SLC28A1: variants seen among roughly 807,000 people sequenced by gnomAD.
SLC28A1 encodes the protein solute carrier family 28 member 1, also known as sodium/nucleoside cotransporter 1.
In SLC28A1, 64 loss-of-function variants were observed where a neutral mutation model predicts 74.8. The observed-to-expected ratio is 0.86, with a 90% CI of 0.70 to 1.05. The LOEUF is 1.05. Ranked by LOEUF, SLC28A1 falls within the 50% of genes least tolerant of loss-of-function variation. SLC28A1 has a pLI of 0.00. For missense variants in SLC28A1, 828 were observed against 822.8 expected, an observed-to-expected ratio of 1.01 and a Z score of -0.08; for synonymous variants, 359 against 335.0, an observed-to-expected ratio of 1.07 and a Z score of -0.78.
chr15:84,908,591 C>CT (rs1203780555), intron 8 of SLC28A1, 127 bp from the exon 9 acceptor site: 7 of 763,852 alleles, frequency 9.2e-6, no homozygotes, highest in African/African-American at 1.7e-5. Context: ...GGTGGTGCCC[C>CT]CCCCCGGATA....
chr15:84,974,592 GC>G, the SLC28A1 span, among the ~76,000 whole-genome samples: 3 of 152,204 alleles, frequency 2.0e-5, no homozygotes, highest in Non-Finnish European at 4.4e-5. Context: ...AGGGGGAGAA[GC>G]ATGTCTTGTG....
At chr15:84,954,614 A>G in the SLC28A1 span, among the ~76,000 whole-genome samples, 1 of 152,188 alleles carries the variant, frequency 6.6e-6, no homozygotes, top group Non-Finnish European at 1.5e-5. Flanking sequence ...TGGTTTGCTC[A>G]AGGGCACACA....
chr15:84,895,698 C>A (rs936260096), intron 6 of SLC28A1: 28 of 1,386,248 alleles, frequency 2.0e-5, no homozygotes, highest in Non-Finnish European at 2.1e-5. Flanking sequence ...TTTCACCAGG[C>A]AGCTCTAAAT....
intron 9 of SLC28A1, among the ~76,000 whole-genome samples, chr15:84,911,634 G>T (rs955003151): frequency 6.6e-6 from 1 of 152,076 alleles, no homozygotes; most frequent in Non-Finnish European, 1.5e-5. Context: ...GGCTGAAGTG[G>T]TTCGATCGCT....
chr15:84,921,089 AC>A lies in SLC28A1; in HGVS notation c.957+23del. 1.3e-6 allele frequency: 2 copies of A among 1,584,106 alleles called. No individual in the cohort carries two copies. The highest frequency in any genetic ancestry group is 1.7e-6 in the Non-Finnish European group (2 of 1,152,878). ...AGCCAGGTGGGTATGGAAGCCTCCT[AC>A]CCTCATGCTCATCAGCAGCTTCCCC... On this transcript the variant is annotated intron_variant, in intron 11 of 18. Transcript: ENST00000394573.
At chr15:84,901,414 G>A (rs1002320142) in intron 6 of SLC28A1, among the ~76,000 whole-genome samples, 1 of 152,154 alleles carries the variant, frequency 6.6e-6, no homozygotes. Context: ...GACTGAGGCA[G>A]GAGAATTGCT....
At chr15:84,895,325 C>T (rs2141688679) in intron 6 of SLC28A1, 11 of 1,611,092 alleles carry the variant, frequency 6.8e-6, no homozygotes, top group Non-Finnish European at 9.3e-6. Context: ...GTCCCAGTTA[C>T]AGCAGGTGAC....
In SLC28A1 at chr15:84,905,547, G is replaced by C. The variant is rs781041305; in HGVS notation, c.612G>C (p.Trp204Cys). The change falls in exon 8 of 19, where the codon TGG becomes TGC. Residue 204 changes from tryptophan (W) to cysteine (C), a missense_variant. Coordinates refer to ENST00000394573, the MANE Select transcript of SLC28A1 (RefSeq NM_004213.5). Reference protein sequence around the residue: ...ACSKHHCAVSWRAVSWGLGLQ... With the variant: ...ACSKHHCAVSCRAVSWGLGLQ... The stretch of plus-strand genomic sequence containing the variant: ...GTTGGGTGGGGTGGTAGGTGTCCTG[G>C]AGGGCCGTGTCTTGGGGACTTGGAC... The C allele has an allele frequency of 3.0e-5, 48 of 1,612,046 alleles. No individual in the cohort carries two copies. The highest frequency in any genetic ancestry group is 4.0e-5 in the African/African-American group (3 of 74,864).
chr15:84,885,139 A>G (rs1427367026), intron 1 of SLC28A1, among the ~76,000 whole-genome samples: 1 of 151,792 alleles, frequency 6.6e-6, no homozygotes. Flanking sequence ...TTGTATTTTT[A>G]GTAGAGACGG....
Position 84,945,207 on chromosome 15 carries a change from A to T in SLC28A1, c.*7A>T. The T allele has an allele frequency of 6.2e-7, 1 of 1,613,636 alleles. No homozygotes were observed. On this transcript the variant is annotated 3_prime_UTR_variant, in exon 19 of 19. Coordinates refer to ENST00000394573, the MANE Select transcript of SLC28A1 (RefSeq NM_004213.5). ...CACGATCTGTGCACAGTGAGGACAG[A>T]ACATGCTTGTGCTTCTGCGCTTCTG... is the stretch of plus-strand genomic sequence containing the variant.
intron 5 of SLC28A1, among the ~76,000 whole-genome samples, chr15:84,891,603 G>A (rs962372940): frequency 2.0e-5 from 3 of 152,184 alleles, no homozygotes; most frequent in African/African-American, 4.8e-5. Flanking sequence ...AGGAGCAAGG[G>A]TTTCAAGGAG....
At chr15:84,913,642 A>C (rs1968671860) in intron 9 of SLC28A1, among the ~76,000 whole-genome samples, 1 of 152,216 alleles carries the variant, frequency 6.6e-6, no homozygotes, top group African/African-American at 2.4e-5. Flanking sequence ...GAAGAGCTAG[A>C]ATTTCCTTCT....
chr15:84,941,032 G>A (rs1972613715), intron 15 of SLC28A1: 1 of 153,050 alleles, frequency 6.5e-6, no homozygotes. Flanking sequence ...GTTGCCTGAA[G>A]CATCTGGGTG....
At chr15:84,905,680 A>G in intron 8 of SLC28A1, 28 bp downstream of exon 8, 1 of 1,484,144 alleles carries the variant, frequency 6.7e-7, no homozygotes, top group East Asian at 2.3e-5. Flanking sequence ...GGCTGCCCAG[A>G]GCATCTTAGA....
intron 11 of SLC28A1, among the ~76,000 whole-genome samples, chr15:84,922,867 C>T (rs1224531116): frequency 2.0e-5 from 3 of 152,240 alleles, no homozygotes; most frequent in African/African-American, 7.2e-5. Context: ...ATGTCACTGG[C>T]TCCTTCAGGT....
chr15:84,917,777 T>G (rs1356623472), intron 9 of SLC28A1, among the ~76,000 whole-genome samples: 2 of 152,132 alleles, frequency 1.3e-5, no homozygotes, highest in Non-Finnish European at 2.9e-5. Context: ...CTAAAAGACC[T>G]CTCCATTTTT....
At chr15:84,936,480 A>C (rs1379449344) in intron 15 of SLC28A1, among the ~76,000 whole-genome samples, 1 of 151,746 alleles carries the variant, frequency 6.6e-6, no homozygotes, top group Non-Finnish European at 1.5e-5. Context: ...TGGTCTTGAA[A>C]TCCTGACCTC....
chr15:84,933,366 C>A, intron 13 of SLC28A1, 91 bp downstream of exon 13: 1 of 1,470,704 alleles, frequency 6.8e-7, no homozygotes, highest in Non-Finnish European at 9.3e-7. Flanking sequence ...CCATCACTGT[C>A]TTCCACTAGC....
At chr15:84,968,945 G>A in the SLC28A1 span, among the ~76,000 whole-genome samples, 1 of 152,164 alleles carries the variant, frequency 6.6e-6, no homozygotes, top group Non-Finnish European at 1.5e-5. Context: ...CTGAGCTGGG[G>A]CACCCTCTGG....
Sources: allele counts gnomAD v4.1 joint callset (sites outside exome capture counted in the v4.1 genomes callset), GRCh38; gene constraint gnomAD v4.1.1; transcripts MANE v1.5; gene names NCBI Gene and HGNC (gene_info 2026-07-23, HGNC 2026-07-21).